Variants in COL25A1 observed in about 807,000 individuals in gnomAD.
The protein encoded by COL25A1 is collagen type XXV alpha 1 chain, also known as collagen alpha-1(XXV) chain.
In COL25A1, 103 loss-of-function variants were observed where a neutral mutation model predicts 128.4. The observed-to-expected ratio is 0.80, with a 90% CI of 0.68 to 0.94. The LOEUF (loss-of-function observed/expected upper bound fraction) is 0.94. Ranked by LOEUF, COL25A1 falls within the 40% of genes least tolerant of loss-of-function variation. The probability of loss-of-function intolerance (pLI) is 0.00; values close to 1 mark genes in which losing one functional copy is unlikely to be tolerated. For missense variants in COL25A1, 745 were observed against 840.0 expected (o/e 0.89, Z 1.40); for synonymous variants, 279 against 277.2 (o/e 1.01, Z -0.06).
chr4:108,843,008 G>T (rs1312297563), intron 30 of COL25A1, among the ~76,000 whole-genome samples: 1 of 151,770 alleles, frequency 6.6e-6, no homozygotes, highest in East Asian at 1.9e-4. Context: ...AACTGGGCGT[G>T]GTTGGTGGCA....
At chr4:109,166,998 GGA>G (rs1773134279) in intron 3 of COL25A1, among the ~76,000 whole-genome samples, 4 of 152,048 alleles carry the variant, frequency 2.6e-5, no homozygotes, top group Admixed American at 2.6e-4. Context: ...CTTTGAAGTT[GGA>G]GAGTTATTTT....
At chr4:108,925,083 A>G in intron 11 of COL25A1, among the ~76,000 whole-genome samples, 1 of 152,128 alleles carries the variant, frequency 6.6e-6, no homozygotes, top group Admixed American at 6.6e-5. Context: ...AATCGTTTTG[A>G]GGTTAATTCA....
At chr4:109,049,679 A>T (rs1423427346) in intron 4 of COL25A1, among the ~76,000 whole-genome samples, 1 of 152,210 alleles carries the variant, frequency 6.6e-6, no homozygotes. Flanking sequence ...AGCATGACAG[A>T]ATTGTGCCAA....
chr4:109,046,303 T>C (rs1266259855), intron 5 of COL25A1, among the ~76,000 whole-genome samples: 2 of 152,216 alleles, frequency 1.3e-5, no homozygotes, highest in African/African-American at 2.4e-5. Context: ...GGAGGAACAA[T>C]TGACATCTTT....
chr4:109,239,420 A>ATATATGTATT (rs1553965400), intron 3 of COL25A1, among the ~76,000 whole-genome samples: 1 of 124,362 alleles, frequency 8.0e-6, no homozygotes, highest in Non-Finnish European at 1.7e-5. Flanking sequence ...ATATATATAT[A>ATATATGTATT]TATTTATTTA....
chr4:109,296,355 AAG>A (rs1339075966), intron 3 of COL25A1, among the ~76,000 whole-genome samples: 1 of 152,074 alleles, frequency 6.6e-6, no homozygotes, highest in African/African-American at 2.4e-5. Flanking sequence ...ACAAAAATGG[AAG>A]AGATTTTAGT....
rs573818886 is a variant in COL25A1, at chr4:109,058,945, G to GAGT, written c.368-8769_368-8767dup. Among the ~76,000 whole-genome samples the GAGT allele has an allele frequency of 6.6e-5, 10 of 152,296 alleles. No individual in the cohort carries two copies. In the South Asian group the frequency reaches 2.1e-3, roughly 32 times the overall value. On this transcript the variant is annotated intron_variant, in intron 3 of 37. Coordinates refer to ENST00000399132, the MANE Select transcript of COL25A1 (RefSeq NM_198721.4). ...GACGAAGTCATTCGAGTAAGAGTAG[G>GAGT]AGTAGTTCAGAGAGAGAGGGTAACG... is the stretch of plus-strand genomic sequence containing the variant.
intron 3 of COL25A1, among the ~76,000 whole-genome samples, chr4:109,294,064 T>C (rs577396101): frequency 1.3e-5 from 2 of 152,256 alleles, no homozygotes; most frequent in African/African-American, 2.4e-5. Flanking sequence ...GATAGGACAC[T>C]AGAGTTTTCA....
chr4:108,824,118 A>G (rs964785612), intron 35 of COL25A1, 56 bp downstream of exon 35: 5 of 1,613,888 alleles, frequency 3.1e-6, no homozygotes, highest in Middle Eastern at 3.3e-4. Context: ...GCTGAACAGC[A>G]AAGCAGACAG....
rs1578630452 is a variant in COL25A1 at position 108,876,615 on chromosome 4, C to T, written c.1021-7465G>A. ...ATATATATAACATTATTTATCAGAA[C>T]CCTTAAGACAATCCAAAATTTTAAT... On this transcript the variant is annotated intron_variant, in intron 19 of 37. Transcript: ENST00000399132. 2.6e-5 allele frequency among the ~76,000 whole-genome samples: 4 copies of T among 152,290 alleles called. No individual in the cohort carries two copies. The East Asian group carries it at 7.7e-4, about 29-fold the overall frequency.
chr4:109,087,316 A>G (rs1579322462), intron 3 of COL25A1, among the ~76,000 whole-genome samples: 1 of 152,274 alleles, frequency 6.6e-6, no homozygotes, highest in East Asian at 1.9e-4. Context: ...AGATTGCATG[A>G]AACTTTTTGA....
chr4:108,985,288 T>C (rs1560975625), intron 6 of COL25A1, among the ~76,000 whole-genome samples: 1 of 152,190 alleles, frequency 6.6e-6, no homozygotes, highest in East Asian at 1.9e-4. Context: ...CTCACTTGTC[T>C]CTTCAATCAT....
intron 3 of COL25A1, among the ~76,000 whole-genome samples, chr4:109,207,241 G>A (rs1777081762): frequency 6.6e-6 from 1 of 152,136 alleles, no homozygotes; most frequent in Non-Finnish European, 1.5e-5. Flanking sequence ...TGTGCCAGCT[G>A]CCTCTGTACC....
At chr4:108,895,938 C>CTTTTTTTTTTTT (rs35506597) in intron 16 of COL25A1, among the ~76,000 whole-genome samples, 2 of 70,824 alleles carry the variant, frequency 2.8e-5, no homozygotes, top group South Asian at 7.1e-4. Context: ...TATAATCAAA[C>CTTTTTTTTTTTT]TTTTTTTTTT....
Position 109,043,603 on chromosome 4 carries a change from G to C in COL25A1, c.420+4565C>G, listed in dbSNP as rs549157860. 4.6e-5 allele frequency among the ~76,000 whole-genome samples: 7 copies of C among 152,060 alleles called. 1 individual carries two copies. Among genetic ancestry groups the C allele is most frequent in the African/African-American group, 1.4e-4 (6 of 41,478 alleles). On this transcript the variant is annotated intron_variant, in intron 5 of 37. Transcript: ENST00000399132. Reference sequence around the variant, plus strand: ...CAGCCAGTTAAAAAAAAGGTCTCCTGGCTCTTTTCTGGCTATAGTTACAGG... The same window carrying C: ...CAGCCAGTTAAAAAAAAGGTCTCCTCGCTCTTTTCTGGCTATAGTTACAGG...
chr4:108,990,226 AAAAAAAAAAAAAAATATATATATAT>A (rs1470433431), intron 6 of COL25A1, among the ~76,000 whole-genome samples: 1 of 70,558 alleles, frequency 1.4e-5, no homozygotes, highest in African/African-American at 5.1e-5. Flanking sequence ...AAAAAAAAAA[AAAAAAAAAAAAAAATATATATATAT>A]ATATATATAT....
At chr4:108,918,708 T>C (rs1292837596) in intron 12 of COL25A1, among the ~76,000 whole-genome samples, 1 of 152,256 alleles carries the variant, frequency 6.6e-6, no homozygotes, top group East Asian at 1.9e-4. Context: ...TCCAAGACTT[T>C]CAAGGAGTAA....
chr4:109,064,092 C>T (rs1013616125), intron 3 of COL25A1, among the ~76,000 whole-genome samples: 3 of 152,162 alleles, frequency 2.0e-5, no homozygotes, highest in Non-Finnish European at 4.4e-5. Context: ...AAGTCAAAGA[C>T]GGTCACCAAG....
At chr4:109,214,104 C>T (rs1035789034) in intron 3 of COL25A1, among the ~76,000 whole-genome samples, 1 of 151,978 alleles carries the variant, frequency 6.6e-6, no homozygotes, top group African/African-American at 2.4e-5. Context: ...ATGATCTGGG[C>T]TTTAAAGACA....
Sources: gnomAD v4.1 joint callset for allele counts (sites outside exome capture counted in the v4.1 genomes callset) on GRCh38, gnomAD v4.1.1 for gene constraint, MANE v1.5 for transcripts, NCBI Gene and HGNC (gene_info 2026-07-23, HGNC 2026-07-21) for gene names.